C10orf53: variants seen among roughly 807,000 people sequenced by gnomAD.
C10orf53 encodes UPF0728 protein C10orf53.
A neutral mutation model predicts 9.4 loss-of-function variants in C10orf53; 8 were observed. The ratio of observed to expected loss-of-function variants is 0.85; its 90% CI spans 0.50 to 1.53. C10orf53 has a LOEUF of 1.53. Among genes scored for constraint, C10orf53 ranks in the 40% most tolerant of loss-of-function variants. The probability of loss-of-function intolerance (pLI) is 0.00; values close to 1 mark genes in which losing one functional copy is unlikely to be tolerated. For synonymous variants in C10orf53, 48 were observed against 46.0 expected, an observed-to-expected ratio of 1.04 and a Z score of -0.18; for missense variants, 117 against 117.8, an observed-to-expected ratio of 0.99 and a Z score of 0.03.
chr10:49,705,012 T>A (rs1840713030), intron 2 of C10orf53, among the ~76,000 whole-genome samples: 1 of 152,232 alleles, frequency 6.6e-6, no homozygotes, highest in Non-Finnish European at 1.5e-5. Context: ...GATTGAAAGC[T>A]GCCCTGTATC....
intron 1 of C10orf53, among the ~76,000 whole-genome samples, chr10:49,692,250 A>AT (rs1025601034): frequency 6.6e-5 from 10 of 152,320 alleles, no homozygotes; most frequent in African/African-American, 1.9e-4. Context: ...AGATGCAGGC[A>AT]TTTTTTTAGA....
At chr10:49,704,216 A>G (rs1174268299) in intron 2 of C10orf53, among the ~76,000 whole-genome samples, 1 of 152,264 alleles carries the variant, frequency 6.6e-6, no homozygotes, top group Admixed American at 6.5e-5. Context: ...TTGTGTTTTT[A>G]AAAACAAAGC....
chr10:49,680,712 G>C (rs1215896409), intron 1 of C10orf53, among the ~76,000 whole-genome samples: 1 of 152,296 alleles, frequency 6.6e-6, no homozygotes, highest in East Asian at 1.9e-4. Context: ...GGGCTGAGAT[G>C]AGAGTAGCTT....
exon 3 of C10orf53, chr10:49,709,346 C>T (rs752610771): frequency 6.6e-6 from 1 of 152,336 alleles, no homozygotes; most frequent in African/African-American, 2.4e-5. Flanking sequence ...CCAGCTACGA[C>T]ATCCAGCATC....
chr10:49,708,778 C>G, exon 3 of C10orf53: 1 of 1,003,074 alleles, frequency 1.0e-6, no homozygotes, highest in Non-Finnish European at 1.4e-6. Flanking sequence ...CAACCTGTGG[C>G]AAACCCAACG....
chr10:49,679,753 T>C lies in C10orf53; in HGVS notation c.56T>C (p.Leu19Pro), dbSNP rs1840461158. 2 of 1,546,662 alleles carry C rather than the reference T, an allele frequency of 1.3e-6. No individual in the cohort carries two copies. The highest frequency in any genetic ancestry group is 2.7e-5 in the African/African-American group (2 of 72,838). The change falls in exon 1 of 3, where the codon CTA (leucine) becomes CCA (proline). Residue 19 changes from leucine to proline, a missense_variant. Coordinates refer to ENST00000374111, the MANE Select transcript of C10orf53 (RefSeq NM_001042427.3). ...TATGGGCCCTACAGCGCGGCAGGCCTACCGGTGGAGCACCACACCTTCCGC... is the reference window on the plus strand; with the variant it reads ...TATGGGCCCTACAGCGCGGCAGGCCCACCGGTGGAGCACCACACCTTCCGC... ...LRYGPYSAAG[L>P]PVEHHTFRLQ...
rs147880636 is a variant in C10orf53 at position 49,693,816 on chromosome 10, T to C, written c.140T>C (p.Ile47Thr). The C allele has an allele frequency of 9.3e-6, 15 of 1,613,826 alleles. No homozygotes were observed. The highest frequency in any genetic ancestry group is 5.3e-5 in the African/African-American group (4 of 74,934). The change falls in exon 2 of 3, where the codon ATA (isoleucine) becomes ACA (threonine). Residue 47 changes from isoleucine (I) to threonine (T), a missense_variant. Transcript: ENST00000374111. ...IDGHEVILEK[I>T]EDWNVVELMV... is the part of the protein sequence containing the mutation. ...GGACATGAGGTCATCCTAGAGAAGA[T>C]AGAAGACTGGAATGTGGTGGAACTC...
chr10:49,697,194 GAAAAT>G lies in C10orf53; in HGVS notation c.*2601_*2605del, dbSNP rs368271325. ...GGTGACAAAGTGAGACCCTGTCTCA[GAAAAT>G]AAAATAAAGATTTTGACATAGAAGC... On this transcript the variant is annotated 3_prime_UTR_variant, in exon 3 of 3. Coordinates refer to ENST00000374111, the MANE Select transcript of C10orf53 (RefSeq NM_001042427.3). 2.3e-3 allele frequency among the ~76,000 whole-genome samples: 346 copies of G among 152,224 alleles called. 4 individuals carry two copies. The highest frequency in any genetic ancestry group is 7.7e-3 in the African/African-American group (321 of 41,550).
At position 49,696,082 on chromosome 10, in the gene C10orf53, A is replaced by C. The variant is rs1840631869; in HGVS notation, c.*1480A>C. ...TTGGGTTTCTTCTGTTTATGTCTGA[A>C]TATTCATAAAGAGATAGACATATAG... is the stretch of plus-strand genomic sequence containing the variant. On this transcript the variant is annotated 3_prime_UTR_variant, in exon 3 of 3. Coordinates refer to ENST00000374111, the MANE Select transcript of C10orf53 (RefSeq NM_001042427.3). 1 of 152,226 alleles carries C rather than the reference A, an allele frequency of 6.6e-6. No homozygotes were observed. Among genetic ancestry groups the C allele is most frequent in the South Asian group, 2.1e-4 (1 of 4,824 alleles). 9.4% of individuals were successfully genotyped at this position (152,226 alleles called of 1,614,324 possible).
chr10:49,682,705 T>G (rs1049322168), intron 1 of C10orf53, among the ~76,000 whole-genome samples: 2 of 152,040 alleles, frequency 1.3e-5, no homozygotes, highest in Non-Finnish European at 2.9e-5. Flanking sequence ...ATTGGTGCAT[T>G]TACAATCCTC....
At chr10:49,701,986 G>A (rs1840686712), downstream of C10orf53, among the ~76,000 whole-genome samples, 1 of 152,174 alleles carries the variant, frequency 6.6e-6, no homozygotes. Flanking sequence ...TGGATCACTT[G>A]AGGTAGGGAG....
intron 1 of C10orf53, among the ~76,000 whole-genome samples, chr10:49,690,091 G>C (rs529649908): frequency 6.6e-6 from 1 of 152,134 alleles, no homozygotes; most frequent in Admixed American, 6.5e-5. Flanking sequence ...TGAGCGGGTG[G>C]AAACACAGCA....
chr10:49,698,400 C>T (rs186910643), downstream of C10orf53, among the ~76,000 whole-genome samples: 4 of 152,158 alleles, frequency 2.6e-5, no homozygotes, highest in African/African-American at 9.6e-5. Flanking sequence ...GGTGTGGAGA[C>T]GAAGGGAGGA....
rs538451647 is a variant in C10orf53 at position 49,688,335 on chromosome 10, A to G, written c.98-5439A>G. 5.9e-5 allele frequency among the ~76,000 whole-genome samples: 9 copies of G among 152,230 alleles called. No homozygotes were observed. In the South Asian group the frequency reaches 1.9e-3, roughly 32 times the overall value. On this transcript the variant is annotated intron_variant, in intron 1 of 2. Coordinates refer to ENST00000374111, the MANE Select transcript of C10orf53 (RefSeq NM_001042427.3). ...AATTTGTCAGCTCTGCCCTCAAAGT[A>G]CGCCCAGAATTAATCCCTCTTAGGC...
At chr10:49,704,885 C>CA (rs1202699487) in intron 2 of C10orf53, among the ~76,000 whole-genome samples, 1 of 152,236 alleles carries the variant, frequency 6.6e-6, no homozygotes, top group East Asian at 1.9e-4. Flanking sequence ...CTGGCATTGT[C>CA]AAAAAAATCT....
intron 2 of C10orf53, among the ~76,000 whole-genome samples, chr10:49,705,890 A>T (rs1276327730): frequency 6.6e-6 from 1 of 152,228 alleles, no homozygotes; most frequent in Non-Finnish European, 1.5e-5. Context: ...ACTTGTATCT[A>T]AAATAAAGAA....
At chr10:49,699,190 CT>C (rs67695235), downstream of C10orf53, among the ~76,000 whole-genome samples, 4,019 of 64,114 alleles carry the variant, frequency 0.063, 22 homozygotes, top group Middle Eastern at 0.16. Context: ...GTGGCTCAAT[CT>C]TTTTTTTTTT....
At position 49,696,805 on chromosome 10, in the gene C10orf53, C is replaced by A. The variant is rs1840639734; in HGVS notation, c.*2203C>A. ...AGGTAGAGGGAGGAAGTTTGCAGGG[C>A]TATTCTGCCTTCCGTATTGTAAATG... On this transcript the variant is annotated 3_prime_UTR_variant, in exon 3 of 3. Coordinates refer to ENST00000374111, the MANE Select transcript of C10orf53 (RefSeq NM_001042427.3). Among the ~76,000 whole-genome samples the A allele has an allele frequency of 6.6e-6, 1 of 152,138 alleles. No individual in the cohort carries two copies. Among genetic ancestry groups the A allele is most frequent in the Admixed American group, 6.5e-5 (1 of 15,272 alleles).
At chr10:49,679,830 C>A in intron 1 of C10orf53, 36 bp downstream of exon 1, 2 of 1,507,372 alleles carry the variant, frequency 1.3e-6, no homozygotes, top group African/African-American at 1.4e-5. Context: ...CTGAGGGCCC[C>A]AGCCTCTGAG....
Sources: gnomAD v4.1 joint callset for allele counts (sites outside exome capture counted in the v4.1 genomes callset) on GRCh38, gnomAD v4.1.1 for gene constraint, MANE v1.5 for transcripts, NCBI Gene and HGNC (gene_info 2026-07-23, HGNC 2026-07-21) for gene names.